NAALADL2: variants seen among roughly 807,000 people sequenced by gnomAD.
NAALADL2 encodes the protein N-acetylated alpha-linked acidic dipeptidase like 2.
NAALADL2 carries 76 observed loss-of-function variants against 87.2 expected under a neutral mutation model. That is an observed-to-expected ratio of 0.87 (90% CI 0.72 to 1.05). NAALADL2 has a LOEUF of 1.05. Among genes scored for constraint, NAALADL2 ranks in the 50% least tolerant of loss-of-function variants. The pLI is 0.00. For missense variants in NAALADL2, 1,089 were observed against 945.8 expected, an observed-to-expected ratio of 1.15 and a Z score of -1.99; for synonymous variants, 354 against 331.0, an observed-to-expected ratio of 1.07 and a Z score of -0.75.
intron 2 of NAALADL2, among the ~76,000 whole-genome samples, chr3:175,102,715 A>T (rs1722425399): frequency 6.6e-6 from 1 of 152,142 alleles, no homozygotes; most frequent in Non-Finnish European, 1.5e-5. Context: ...TGATACAACT[A>T]AGCAAGCATG....
At chr3:175,717,313 T>G (rs1248572595) in intron 11 of NAALADL2, among the ~76,000 whole-genome samples, 1 of 152,136 alleles carries the variant, frequency 6.6e-6, no homozygotes, top group African/African-American at 2.4e-5. Flanking sequence ...TTTGAATCCT[T>G]CACTAAATTA....
intron 1 of NAALADL2, among the ~76,000 whole-genome samples, chr3:174,516,923 T>A (rs76772791): frequency 0.014 from 2,187 of 152,038 alleles, 107 homozygotes; most frequent in East Asian, 0.11. Flanking sequence ...AAAAAATAAA[T>A]GACTTTCAAA....
chr3:174,521,593 A>G lies in NAALADL2; in HGVS notation c.-183-28976A>G, dbSNP rs1056433527. Among the ~76,000 whole-genome samples the G allele has an allele frequency of 3.3e-5, 5 of 150,634 alleles. No individual in the cohort carries two copies. In the East Asian group the frequency reaches 5.9e-4, roughly 18 times the overall value. ...TCTCAAAAAAAAAAAAAAAAAAAAA[A>G]AAAGAAAAGAAAAGAAATACTGTCT... On this transcript the variant is annotated intron_variant, in intron 1 of 3. Coordinates refer to the NAALADL2 transcript ENST00000434257.
chr3:175,103,320 T>C (rs1364008814), intron 2 of NAALADL2, among the ~76,000 whole-genome samples: 1 of 152,126 alleles, frequency 6.6e-6, no homozygotes, highest in Non-Finnish European at 1.5e-5. Context: ...TCCTTCTGTC[T>C]CCTCTTCCTC....
At chr3:175,050,618 G>A (rs9868088) in intron 1 of NAALADL2, among the ~76,000 whole-genome samples, 50,440 of 151,938 alleles carry the variant, frequency 0.33, 8,609 homozygotes, top group Middle Eastern at 0.44. Flanking sequence ...GTTTCATTAT[G>A]CAGTTTTGCT....
At chr3:175,004,605 T>A (rs1748758539) in intron 1 of NAALADL2, among the ~76,000 whole-genome samples, 1 of 152,016 alleles carries the variant, frequency 6.6e-6, no homozygotes, top group Non-Finnish European at 1.5e-5. Flanking sequence ...AATAATTGCT[T>A]ATCGGTAGTA....
At chr3:174,752,554 T>C (rs1734936917) in intron 3 of NAALADL2, among the ~76,000 whole-genome samples, 1 of 152,108 alleles carries the variant, frequency 6.6e-6, no homozygotes, top group African/African-American at 2.4e-5. Context: ...TTTGTGTATT[T>C]CTATTTTATT....
At chr3:174,801,367 C>T (rs770516424) in intron 3 of NAALADL2, among the ~76,000 whole-genome samples, 15 of 152,240 alleles carry the variant, frequency 9.9e-5, no homozygotes, top group Non-Finnish European at 2.1e-4. Flanking sequence ...TCTCTCTTTG[C>T]CTGCTGCCAT....
chr3:175,103,744 A>G (rs1722630398), intron 2 of NAALADL2, among the ~76,000 whole-genome samples: 4 of 152,194 alleles, frequency 2.6e-5, no homozygotes, highest in Admixed American at 2.6e-4. Flanking sequence ...TAAATTCCAT[A>G]ATTTAACCGG....
At chr3:174,451,843 G>GTTTTTTTTTTTTTTT (rs764587503) in intron 1 of NAALADL2, among the ~76,000 whole-genome samples, 3 of 98,088 alleles carry the variant, frequency 3.1e-5, no homozygotes, top group Admixed American at 2.3e-4. Context: ...GATAGTGGGA[G>GTTTTTTTTTTTTTTT]TTTTTTTTTT....
chr3:174,787,584 T>TATATATATATATATATATAC (rs1716852699), intron 3 of NAALADL2, among the ~76,000 whole-genome samples: 1 of 59,214 alleles, frequency 1.7e-5, no homozygotes. Context: ...ATCATATATA[T>TATATATATATATATATATAC]ATATATATAT....
chr3:174,719,028 T>C (rs1294244249), intron 2 of NAALADL2, among the ~76,000 whole-genome samples: 2 of 152,184 alleles, frequency 1.3e-5, no homozygotes, highest in African/African-American at 4.8e-5. Context: ...CTGAGAAATC[T>C]CTGATGTTAT....
At chr3:174,985,008 G>A (rs1227264777) in intron 1 of NAALADL2, among the ~76,000 whole-genome samples, 1 of 152,170 alleles carries the variant, frequency 6.6e-6, no homozygotes, top group Non-Finnish European at 1.5e-5. Flanking sequence ...ATACTGAGGT[G>A]CTTCCTAAGG....
At chr3:174,915,230 A>T (rs1734214980) in intron 1 of NAALADL2, among the ~76,000 whole-genome samples, 1 of 152,140 alleles carries the variant, frequency 6.6e-6, no homozygotes, top group Non-Finnish European at 1.5e-5. Context: ...GAGGGATGGC[A>T]GCAGAGGAGG....
rs1739203453 is a variant in NAALADL2, at chr3:175,197,510, G to T, written c.546-36421G>T. On this transcript the variant is annotated intron_variant, in intron 2 of 13. Transcript: ENST00000454872. ...ATTGAAAGAAAATCTGTATTTGAGG[G>T]GACACACCCATTTCAAATCTGTGTT... 5.9e-5 allele frequency among the ~76,000 whole-genome samples: 9 copies of T among 151,728 alleles called. 1 individual carries two copies. Among genetic ancestry groups the T allele is most frequent in the Admixed American group, 5.9e-4 (9 of 15,196 alleles).
At position 174,624,362 on chromosome 3, in the gene NAALADL2, G is replaced by A. The variant is rs187056800; in HGVS notation, c.-115+73725G>A. On this transcript the variant is annotated intron_variant, in intron 2 of 3. Transcript: ENST00000434257. Reference sequence around the variant, plus strand: ...ATCGGGGCCGGGCGCGGTGGCTCACGCCTGTAATTCCAGCAGTTTGGGAGG... The same window carrying A: ...ATCGGGGCCGGGCGCGGTGGCTCACACCTGTAATTCCAGCAGTTTGGGAGG... 9.2e-5 allele frequency among the ~76,000 whole-genome samples: 14 copies of A among 152,254 alleles called. No homozygotes were observed. In the East Asian group the frequency reaches 1.4e-3, roughly 15 times the overall value.
At chr3:174,608,803 A>C (rs1263768581) in intron 2 of NAALADL2, among the ~76,000 whole-genome samples, 1 of 150,400 alleles carries the variant, frequency 6.6e-6, no homozygotes, top group Non-Finnish European at 1.5e-5. Context: ...ATCCTCCCTA[A>C]CTCATTTTAT....
At chr3:175,536,907 G>T (rs766591884) in intron 9 of NAALADL2, among the ~76,000 whole-genome samples, 3 of 152,188 alleles carry the variant, frequency 2.0e-5, no homozygotes, top group Non-Finnish European at 1.5e-5. Context: ...GCGTGAACCC[G>T]GGAGGCGGAG....
intron 2 of NAALADL2, among the ~76,000 whole-genome samples, chr3:174,656,967 G>C (rs1375940836): frequency 6.6e-6 from 1 of 150,744 alleles, no homozygotes; most frequent in African/African-American, 2.4e-5. Flanking sequence ...AAACTTAAGA[G>C]ATAAGGGCTT....
Sources: gnomAD v4.1 joint callset for allele counts (sites outside exome capture counted in the v4.1 genomes callset) on GRCh38, gnomAD v4.1.1 for gene constraint, MANE v1.5 for transcripts, NCBI Gene and HGNC (gene_info 2026-07-23, HGNC 2026-07-21) for gene names.